The following BICRA variants were observed in gnomAD, a reference collection of about 807,000 sequenced individuals.
BICRA encodes the protein BRD4 interacting chromatin remodeling complex associated protein.
In BICRA, 31 loss-of-function variants were observed where a neutral mutation model predicts 96.9. The observed-to-expected ratio is 0.32, with a 90% CI of 0.24 to 0.43. The LOEUF (loss-of-function observed/expected upper bound fraction) is 0.43. BICRA is among the 20% of genes least tolerant of loss of function. BICRA has a pLI of 1.00. For synonymous variants in BICRA, 1,350 were observed against 1,071.8 expected (o/e 1.26, Z -5.07); for missense variants, 2,283 against 2,190.3 (o/e 1.04, Z -0.84).
At position 47,682,012 on chromosome 19, in the gene BICRA, C is replaced by A. The variant is rs866152593; in HGVS notation, c.2143C>A (p.His715Asn). 6.4e-7 allele frequency: 1 copy of A among 1,571,978 alleles called. No homozygotes were observed. Among genetic ancestry groups the A allele is most frequent in the African/African-American group, 1.4e-5 (1 of 74,002 alleles). The stretch of plus-strand genomic sequence containing the variant: ...GCAGCCCCTCTCCGCAGAGGGCCCC[C>A]ACCTCTCCGTGCCTGCCTCGGTCAT... Reference protein sequence around the residue: ...SQQPLSAEGPHLSVPASVIVS... With the variant: ...SQQPLSAEGPNLSVPASVIVS... The change falls in exon 7 of 15, where the codon CAC (histidine) becomes AAC (asparagine). Residue 715 changes from histidine to asparagine, a missense_variant. By Grantham distance (68) the His-to-Asn change is moderately conservative. Transcript: ENST00000594866.
At chr19:47,610,426 G>C (rs1304685422) in intron 1 of BICRA, among the ~76,000 whole-genome samples, 2 of 152,188 alleles carry the variant, frequency 1.3e-5, no homozygotes, top group East Asian at 3.9e-4. Context: ...CTTCCTCTCC[G>C]CGCCCCTTTG....
rs763367364 is a variant in BICRA at position 47,680,012 on chromosome 19, C to T, written c.842C>T (p.Ser281Leu). The T allele has an allele frequency of 2.0e-6, 3 of 1,503,214 alleles. No individual in the cohort carries two copies. Among genetic ancestry groups the T allele is most frequent in the South Asian group, 1.3e-5 (1 of 78,774 alleles). 93.1% of individuals were successfully genotyped at this position (1,503,214 alleles called of 1,614,324 possible). A position where few individuals can be genotyped will look rare whatever the true frequency, so the allele number is the denominator to read the frequency against. Residue 281 changes from serine (S) to leucine (L), a missense_variant, in exon 6 of 15, where the codon TCG becomes TTG. Physicochemically the swap from Ser to Leu is moderately radical, Grantham distance 145. Coordinates refer to ENST00000594866, the MANE Select transcript of BICRA (RefSeq NM_001394372.1). ...EPVTLASAGV[S>L]PQGAGLVIQK... ...GTGACGCTGGCGTCGGCCGGTGTCT[C>T]GCCACAGGGGGCTGGCCTGGTCATC... is the stretch of plus-strand genomic sequence containing the variant.
At chr19:47,683,081 T>A (rs1973091559) in intron 7 of BICRA, among the ~76,000 whole-genome samples, 1 of 152,196 alleles carries the variant, frequency 6.6e-6, no homozygotes, top group African/African-American at 2.4e-5. Flanking sequence ...TTCTGATCTC[T>A]AGCTATTATG....
chr19:47,637,569 A>G (rs1972318260), intron 1 of BICRA, among the ~76,000 whole-genome samples: 1 of 152,178 alleles, frequency 6.6e-6, no homozygotes, highest in Non-Finnish European at 1.5e-5. Flanking sequence ...AAATCCAGCC[A>G]TGTAAAGGGT....
At chr19:47,633,272 G>T (rs1368406404) in intron 1 of BICRA, among the ~76,000 whole-genome samples, 1 of 151,800 alleles carries the variant, frequency 6.6e-6, no homozygotes, top group Non-Finnish European at 1.5e-5. Flanking sequence ...TAGAGACGGG[G>T]TTTCACCATG....
chr19:47,682,274 G>T (rs906725838), intron 7 of BICRA, 122 bp downstream of exon 7: 6 of 572,482 alleles, frequency 1.0e-5, no homozygotes, highest in African/African-American at 9.6e-5. Flanking sequence ...GGAACACAGA[G>T]CTCTCCTTCA....
intron 7 of BICRA, among the ~76,000 whole-genome samples, chr19:47,685,786 T>TGTGCGTGTGCGC: frequency 8.5e-6 from 1 of 117,930 alleles, no homozygotes; most frequent in Admixed American, 8.7e-5. Context: ...TGTGTGTGTG[T>TGTGCGTGTGCGC]GCGCGCGCGC....
At chr19:47,677,779 T>C (rs1972964123) in intron 5 of BICRA, among the ~76,000 whole-genome samples, 1 of 152,244 alleles carries the variant, frequency 6.6e-6, no homozygotes, top group East Asian at 1.9e-4. Flanking sequence ...ACTGCTGATG[T>C]GAGCTTTACT....
chr19:47,696,357 C>G (rs926648775), intron 10 of BICRA, 94 bp from the exon 11 acceptor site: 5 of 1,181,674 alleles, frequency 4.2e-6, no homozygotes, highest in Admixed American at 4.2e-5. Flanking sequence ...CACTGGTCCC[C>G]TGTCCCGTCT....
chr19:47,629,336 C>T (rs1972186316), intron 1 of BICRA, among the ~76,000 whole-genome samples: 2 of 152,164 alleles, frequency 1.3e-5, no homozygotes, highest in Non-Finnish European at 2.9e-5. Flanking sequence ...TCAACAACTC[C>T]CCCCATCCCC....
intron 1 of BICRA, among the ~76,000 whole-genome samples, chr19:47,627,862 C>T (rs913176149): frequency 3.3e-5 from 5 of 152,082 alleles, no homozygotes; most frequent in African/African-American, 9.7e-5. Context: ...CTCCACCTCC[C>T]GGGTTCAAGC....
intron 7 of BICRA, among the ~76,000 whole-genome samples, chr19:47,682,612 C>T (rs1406292294): frequency 6.6e-6 from 1 of 151,754 alleles, no homozygotes. Flanking sequence ...CATCTTCTGC[C>T]TGCGGTATTG....
At chr19:47,669,859 G>T (rs192923218) in intron 1 of BICRA, among the ~76,000 whole-genome samples, 2,803 of 151,768 alleles carry the variant, frequency 0.018, 72 homozygotes, top group African/African-American at 0.064. Context: ...GGTTTCACCG[G>T]GTTAGCCAGG....
chr19:47,625,053 G>A (rs1972120885), intron 1 of BICRA, among the ~76,000 whole-genome samples: 1 of 136,032 alleles, frequency 7.4e-6, no homozygotes. Flanking sequence ...AGGGTGAAGT[G>A]CAGTGACGTG....
intron 1 of BICRA, among the ~76,000 whole-genome samples, chr19:47,661,138 C>T (rs538144441): frequency 4.6e-4 from 63 of 136,420 alleles, no homozygotes; most frequent in African/African-American, 1.7e-3. Context: ...GGCGTGAACC[C>T]GGGAGGCAGA....
chr19:47,701,742 C>T lies in BICRA; in HGVS notation c.4010C>T (p.Pro1337Leu), dbSNP rs751395672. ...CCCGTGCACCAGCCCCCGCCACCCC[C>T]CGCTACCCTCAAGGTGGCCGAGCCC... ...LDPVHQPPPP[P>L]ATLKVAEPPP... The change falls in exon 15 of 15, where the codon CCC (proline) becomes CTC (leucine). Residue 1337 changes from proline (P) to leucine (L), a missense_variant. By Grantham distance (98) the Pro-to-Leu change is moderately conservative. Coordinates refer to ENST00000594866, the MANE Select transcript of BICRA (RefSeq NM_001394372.1). The surrounding 1 kb of genome is among the most constrained non-coding windows in gnomAD (Gnocchi z 5.4). 2.5e-5 allele frequency: 39 copies of T among 1,558,500 alleles called. No homozygotes were observed. Among genetic ancestry groups the T allele is most frequent in the Non-Finnish European group, 3.1e-5 (36 of 1,151,320 alleles).
At chr19:47,609,828 G>C (rs985499236) in intron 1 of BICRA, among the ~76,000 whole-genome samples, 2 of 152,014 alleles carry the variant, frequency 1.3e-5, no homozygotes, top group Non-Finnish European at 2.9e-5. Flanking sequence ...GGGGAAGGAG[G>C]CCACCGGGGC....
intron 7 of BICRA, among the ~76,000 whole-genome samples, chr19:47,682,794 C>T (rs762252425): frequency 1.2e-4 from 19 of 152,110 alleles, no homozygotes; most frequent in Non-Finnish European, 2.5e-4. Flanking sequence ...GCCTCCACCT[C>T]CCGCGTAGCT....
intron 1 of BICRA, among the ~76,000 whole-genome samples, chr19:47,660,040 A>G (rs1972682163): frequency 6.6e-6 from 1 of 152,180 alleles, no homozygotes; most frequent in Non-Finnish European, 1.5e-5. Context: ...TTAGTTTCCC[A>G]TTGTCGCTGT....
Sources: gnomAD v4.1 joint callset for allele counts (sites outside exome capture counted in the v4.1 genomes callset) on GRCh38, gnomAD v4.1.1 for gene constraint, Gnocchi (gnomAD v3.1) non-coding constraint, MANE v1.5 for transcripts, NCBI Gene and HGNC (gene_info 2026-07-23, HGNC 2026-07-21) for gene names.